The following HELLS variants were observed in gnomAD, a reference collection of about 807,000 sequenced individuals.
HELLS encodes helicase, lymphoid specific.
In HELLS, 32 loss-of-function variants were observed where a neutral mutation model predicts 120.0. The ratio of observed to expected loss-of-function variants is 0.27; its 90% CI spans 0.20 to 0.36. HELLS has a LOEUF of 0.36. HELLS is among the 10% of genes least tolerant of loss of function. The pLI, the probability that HELLS is intolerant of heterozygous loss-of-function variation, is 1.00. For missense variants in HELLS, 650 were observed against 993.4 expected, an observed-to-expected ratio of 0.65 and a Z score of 4.65; for synonymous variants, 341 against 323.4, an observed-to-expected ratio of 1.05 and a Z score of -0.58.
intron 19 of HELLS, 73 bp from the exon 20 acceptor site, chr10:94,596,787 T>G: frequency 2.6e-6 from 2 of 766,232 alleles, no homozygotes; most frequent in Non-Finnish European, 4.4e-6. Flanking sequence ...CAAGCCATTG[T>G]GATTGGTTTG....
chr10:94,581,586 T>C, intron 11 of HELLS, 64 bp downstream of exon 11: 1 of 1,171,884 alleles, frequency 8.5e-7, no homozygotes, highest in South Asian at 1.6e-5. Flanking sequence ...AAAATTACTT[T>C]CTTTTCAGTG....
At position 94,545,792 on chromosome 10, in the gene HELLS, G is replaced by T. The variant is rs981904118; in HGVS notation, c.-130G>T. The T allele has an allele frequency of 1.9e-6, 2 of 1,036,706 alleles. No individual in the cohort carries two copies. The highest frequency in any genetic ancestry group is 2.6e-5 in the East Asian group (1 of 38,602). 64.2% of individuals were successfully genotyped at this position (1,036,706 alleles called of 1,614,324 possible). A position where few individuals can be genotyped will look rare whatever the true frequency, so the allele number is the denominator to read the frequency against. On this transcript the variant is annotated 5_prime_UTR_variant, in exon 1 of 22. Transcript: ENST00000348459. ...GAGATGACAGGATTTTCCCGCGAAGGAGAAGCGCGCTTTTTTCCCTGGCGG... is the reference window on the plus strand; with the variant it reads ...GAGATGACAGGATTTTCCCGCGAAGTAGAAGCGCGCTTTTTTCCCTGGCGG...
intron 21 of HELLS, among the ~76,000 whole-genome samples, chr10:94,597,978 TAGAAG>T (rs923625592): frequency 3.9e-5 from 6 of 152,046 alleles, no homozygotes; most frequent in African/African-American, 1.4e-4. Context: ...TTCCCTGAGA[TAGAAG>T]AGAGCCAGGA....
intron 3 of HELLS, among the ~76,000 whole-genome samples, chr10:94,555,303 G>A (rs995270660): frequency 6.6e-6 from 1 of 152,170 alleles, no homozygotes; most frequent in Non-Finnish European, 1.5e-5. Flanking sequence ...CGGTCATGGT[G>A]GTGTGTGCCT....
intron 3 of HELLS, among the ~76,000 whole-genome samples, chr10:94,554,644 GTT>G (rs199878580): frequency 1.9e-5 from 2 of 103,072 alleles, no homozygotes; most frequent in African/African-American, 7.7e-5. Flanking sequence ...AAGTAATAGT[GTT>G]TTTTTTTTTG....
Position 94,592,283 on chromosome 10 carries a change from C to T in HELLS, c.1822C>T (p.Leu608=), listed in dbSNP as rs1845528522. Residue 608 remains leucine, a synonymous_variant, in exon 16 of 22, where the codon CTG becomes TTG. Coordinates refer to ENST00000348459, the MANE Select transcript of HELLS (RefSeq NM_018063.5). ...SGKFLILDRM[L]PELKKRGHKV... ...GAAGTTCTTGATTTTGGATCGAATG[C>T]TGCCAGAACTAAAAAAAAGAGGTCA... The T allele has an allele frequency of 6.2e-7, 1 of 1,612,008 alleles. No individual in the cohort carries two copies. The highest frequency in any genetic ancestry group is 1.3e-5 in the African/African-American group (1 of 74,906).
rs34881072 is a variant in HELLS at position 94,567,905 on chromosome 10, GTT to G, written c.436-3462_436-3461del. Reference sequence around the variant, plus strand: ...GCATGGGCAAGAGAATGAAACCCTGGTTTTTTTTTTTTTTTTTTTTTTGGAGA... The same window carrying G: ...GCATGGGCAAGAGAATGAAACCCTGGTTTTTTTTTTTTTTTTTTTTGGAGA... On this transcript the variant is annotated intron_variant, in intron 6 of 21. Transcript: ENST00000348459. Among the ~76,000 whole-genome samples the G allele has an allele frequency of 3.1e-4, 41 of 130,646 alleles. 1 individual carries two copies. The highest frequency in any genetic ancestry group is 4.6e-4 in the South Asian group (2 of 4,348). 85.7% of individuals were successfully genotyped at this position (130,646 alleles called of 152,430 possible). A position where few individuals can be genotyped will look rare whatever the true frequency, so the allele number is the denominator to read the frequency against.
In HELLS at chr10:94,574,505, G is replaced by T. The variant is rs369779588; in HGVS notation, c.706-49G>T. ...AGAAGAAATAAAATATTGTAATCCT[G>T]TAGTTGTTTATATCCAAGTTTAAAT... On this transcript the variant is annotated intron_variant, in intron 8 of 21. Coordinates refer to ENST00000348459, the MANE Select transcript of HELLS (RefSeq NM_018063.5). 5.3e-6 allele frequency: 7 copies of T among 1,317,904 alleles called. No individual in the cohort carries two copies. The East Asian group carries it at 1.6e-4, about 30-fold the overall frequency. The allele number at this position is 1,317,904 out of a possible 1,614,324, so 81.6% of individuals were successfully genotyped here. A position where few individuals can be genotyped will look rare whatever the true frequency, so the allele number is the denominator to read the frequency against.
At chr10:94,555,107 C>T (rs1843186281) in intron 3 of HELLS, among the ~76,000 whole-genome samples, 1 of 151,748 alleles carries the variant, frequency 6.6e-6, no homozygotes, top group South Asian at 2.1e-4. Context: ...GGCACCACTG[C>T]ATTCTAGCCT....
intron 2 of HELLS, among the ~76,000 whole-genome samples, chr10:94,547,781 GGCAGAGCTAACATTC>G (rs1167622971): frequency 1.3e-5 from 2 of 152,170 alleles, no homozygotes; most frequent in Non-Finnish European, 2.9e-5. Context: ...GTTGGTAAAT[GGCAGAGCTAACATTC>G]CAGTGTAGGC....
chr10:94,580,685 A>G (rs1234025436), intron 10 of HELLS, among the ~76,000 whole-genome samples: 1 of 151,916 alleles, frequency 6.6e-6, no homozygotes, highest in Non-Finnish European at 1.5e-5. Context: ...TCTTTCCTCA[A>G]TTTGTCAGTC....
intron 15 of HELLS, 27 bp downstream of exon 15, chr10:94,590,803 T>G: frequency 7.7e-7 from 1 of 1,299,246 alleles, no homozygotes; most frequent in Non-Finnish European, 1.1e-6. Flanking sequence ...TCTAATTTAC[T>G]GTTTTGATTT....
rs1844503058 is a variant in HELLS at position 94,576,690 on chromosome 10, A to G, written c.917A>G (p.Gln306Arg). 1 of 1,607,748 alleles carries G rather than the reference A, an allele frequency of 6.2e-7. No individual in the cohort carries two copies. Among genetic ancestry groups the G allele is most frequent in the Non-Finnish European group, 8.5e-7 (1 of 1,174,762 alleles). The stretch of plus-strand genomic sequence containing the variant: ...CCTACAATGTTATATCATGGAACCC[A>G]GGAGGAACGTCAAAAATTGGTAAGA... ...DIPTMLYHGT[Q>R]EERQKLVRNI... Residue 306 changes from glutamine (Q) to arginine (R), a missense_variant, in exon 10 of 22, where the codon CAG becomes CGG. By Grantham distance (43) the Gln-to-Arg change is conservative. Around this residue, in one of 9 missense-constraint regions of HELLS, gnomAD observed 61 missense variants for 86.5 expected, o/e 0.71. Coordinates refer to ENST00000348459, the MANE Select transcript of HELLS (RefSeq NM_018063.5).
intron 18 of HELLS, among the ~76,000 whole-genome samples, chr10:94,594,463 G>A (rs751269014): frequency 6.6e-6 from 1 of 152,172 alleles, no homozygotes; most frequent in Non-Finnish European, 1.5e-5. Context: ...ATAGGAGTGA[G>A]TCATCGTGCC....
chr10:94,578,528 G>A (rs1352157737), intron 10 of HELLS, among the ~76,000 whole-genome samples: 1 of 152,040 alleles, frequency 6.6e-6, no homozygotes, highest in African/African-American at 2.4e-5. Flanking sequence ...GGCCAACATG[G>A]TGAAACCACA....
chr10:94,566,811 C>A (rs1340267752), intron 6 of HELLS, among the ~76,000 whole-genome samples: 1 of 151,916 alleles, frequency 6.6e-6, no homozygotes, highest in Non-Finnish European at 1.5e-5. Flanking sequence ...CGTGCCACCA[C>A]GCCTGGCTGT....
At chr10:94,577,399 C>G (rs1466687865) in intron 10 of HELLS, 1 of 196,904 alleles carries the variant, frequency 5.1e-6, no homozygotes, top group Non-Finnish European at 1.0e-5. Context: ...ATGTGAGAAC[C>G]CTCTTAGTGC....
intron 2 of HELLS, among the ~76,000 whole-genome samples, chr10:94,550,302 G>A (rs753387210): frequency 3.3e-5 from 5 of 151,400 alleles, no homozygotes; most frequent in Admixed American, 6.6e-5. Context: ...GTTTTGAGAC[G>A]GAGTCTCCCT....
intron 6 of HELLS, among the ~76,000 whole-genome samples, chr10:94,566,457 AT>A (rs1843802787): frequency 6.6e-6 from 1 of 152,082 alleles, no homozygotes; most frequent in East Asian, 1.9e-4. Context: ...TTTGCCTCCA[AT>A]TTGTATATAA....
Sources: gnomAD v4.1 joint callset for allele counts (sites outside exome capture counted in the v4.1 genomes callset) on GRCh38, gnomAD v4.1.1 for gene constraint, gnomAD v4.1.1 regional missense constraint, MANE v1.5 for transcripts, NCBI Gene and HGNC (gene_info 2026-07-23, HGNC 2026-07-21) for gene names.